The following EPHB1 variants were observed in gnomAD, a reference collection of about 807,000 sequenced individuals.
EPHB1 encodes the protein ephrin type-B receptor 1.
EPHB1 carries 30 observed loss-of-function variants against 94.4 expected under a neutral mutation model. The ratio of observed to expected loss-of-function variants is 0.32; its 90% CI spans 0.24 to 0.43. The LOEUF (loss-of-function observed/expected upper bound fraction) is 0.43, where lower values mean the gene tolerates loss of function less well. Ranked by LOEUF, EPHB1 falls within the 20% of genes least tolerant of loss-of-function variation. The pLI is 1.00. For synonymous variants in EPHB1, 522 were observed against 489.1 expected (o/e 1.07, Z -0.89); for missense variants, 1,055 against 1,308.3 (o/e 0.81, Z 2.99).
intron 1 of EPHB1, among the ~76,000 whole-genome samples, chr3:134,923,112 G>A (rs1049118998): frequency 2.0e-5 from 3 of 152,186 alleles, no homozygotes; most frequent in Non-Finnish European, 4.4e-5. Flanking sequence ...CTCCCCAGCT[G>A]TCAGAAGAAT....
At chr3:135,232,126 A>T (rs1406686088) in intron 12 of EPHB1, among the ~76,000 whole-genome samples, 1 of 152,244 alleles carries the variant, frequency 6.6e-6, no homozygotes, top group Non-Finnish European at 1.5e-5. Flanking sequence ...AGAGCAAGAT[A>T]ACCTTTTAGG....
intron 4 of EPHB1, among the ~76,000 whole-genome samples, chr3:135,130,653 G>A (rs1300789554): frequency 2.0e-5 from 3 of 151,622 alleles, no homozygotes; most frequent in East Asian, 3.9e-4. Context: ...ATTGAAGGAG[G>A]AAAGTCTCAA....
intron 1 of EPHB1, among the ~76,000 whole-genome samples, chr3:134,899,146 A>G (rs1274069187): frequency 6.6e-6 from 1 of 152,136 alleles, no homozygotes; most frequent in Non-Finnish European, 1.5e-5. Flanking sequence ...TTTTCACACC[A>G]TTTGAGGGTT....
rs1229057427 is a variant in EPHB1 at position 135,130,860 on chromosome 3, G to A, written c.962-1854G>A. Among the ~76,000 whole-genome samples the A allele has an allele frequency of 4.6e-5, 7 of 152,178 alleles. No individual in the cohort carries two copies. In the East Asian group the frequency reaches 1.2e-3, roughly 25 times the overall value. ...ATGAGAAACAGGGGCCCGCGGGTGA[G>A]TCTAGGCTCTCTGCTATAGAAGTGA... On this transcript the variant is annotated intron_variant, in intron 4 of 15. Coordinates refer to ENST00000398015, the MANE Select transcript of EPHB1 (RefSeq NM_004441.5).
At chr3:135,064,284 C>G (rs1030173835) in intron 3 of EPHB1, among the ~76,000 whole-genome samples, 1 of 152,088 alleles carries the variant, frequency 6.6e-6, no homozygotes. Flanking sequence ...ACCAATCCTT[C>G]TTTGAATGGC....
At position 135,047,708 on chromosome 3, in the gene EPHB1, T is replaced by G. The variant is rs546565292; in HGVS notation, c.806-58740T>G. ...ATTTGTTTCTTCCCTTAACAAACAT[T>G]TACTTACACCCTTGTGACAGTTTCT... On this transcript the variant is annotated intron_variant, in intron 3 of 15. Coordinates refer to ENST00000398015, the MANE Select transcript of EPHB1 (RefSeq NM_004441.5). 2.0e-5 allele frequency among the ~76,000 whole-genome samples: 3 copies of G among 152,344 alleles called. No individual in the cohort carries two copies. In the South Asian group the frequency reaches 6.2e-4, roughly 32 times the overall value.
chr3:135,030,535 C>T (rs1313150195), intron 3 of EPHB1, among the ~76,000 whole-genome samples: 2 of 152,168 alleles, frequency 1.3e-5, no homozygotes, highest in South Asian at 2.1e-4. Context: ...TTAGGCTGGT[C>T]GGGGGTCAGG....
At chr3:135,066,180 C>T (rs548199903) in intron 3 of EPHB1, among the ~76,000 whole-genome samples, 2 of 152,302 alleles carry the variant, frequency 1.3e-5, no homozygotes, top group South Asian at 4.1e-4. Flanking sequence ...TGTGCCTAGG[C>T]AATGATCTTT....
At position 134,923,659 on chromosome 3, in the gene EPHB1, A is replaced by G. The variant is rs191318609; in HGVS notation, c.59-2157A>G. 5.7e-4 allele frequency among the ~76,000 whole-genome samples: 87 copies of G among 152,346 alleles called. 1 individual carries two copies. Among genetic ancestry groups the G allele is most frequent in the African/African-American group, 2.0e-3 (85 of 41,586 alleles). On this transcript the variant is annotated intron_variant, in intron 1 of 15. Transcript: ENST00000398015. ...TTGAGTGAGCAATGAGAGCATAGGA[A>G]GACCCTTTCTTCCACATAGCTCCCC... is the stretch of plus-strand genomic sequence containing the variant.
intron 12 of EPHB1, among the ~76,000 whole-genome samples, chr3:135,204,881 C>CTTTTTTTTTTTTT (rs71624063): frequency 2.7e-5 from 2 of 73,910 alleles, no homozygotes; most frequent in South Asian, 6.3e-4. Flanking sequence ...AGGTTTTATT[C>CTTTTTTTTTTTTT]TTTTTTTTTT....
rs370911769 is a variant in EPHB1 at position 135,132,937 on chromosome 3, C to A, written c.1185C>A (p.Ser395Arg). 9.9e-5 allele frequency: 159 copies of A among 1,613,908 alleles called. No individual in the cohort carries two copies. The highest frequency in any genetic ancestry group is 8.2e-4 in the Middle Eastern group (5 of 6,084). Reference sequence around the variant, plus strand: ...CGGAGTGCCGCGTCTCCATCAGCAGCCTGTGGGCCCACACCCCCTACACCT... The same window carrying A: ...CGGAGTGCCGCGTCTCCATCAGCAGACTGTGGGCCCACACCCCCTACACCT... ...GLTECRVSIS[S>R]LWAHTPYTFD... The change falls in exon 5 of 16, where the codon AGC becomes AGA. Residue 395 changes from serine to arginine, a missense_variant. Coordinates refer to ENST00000398015, the MANE Select transcript of EPHB1 (RefSeq NM_004441.5).
intron 1 of EPHB1, among the ~76,000 whole-genome samples, chr3:134,895,513 A>C (rs184338518): frequency 1.3e-4 from 20 of 152,380 alleles, no homozygotes; most frequent in Non-Finnish European, 2.5e-4. Flanking sequence ...AGAAAGCCAC[A>C]GCTTTGAAGT....
chr3:135,097,867 G>A (rs182585927), intron 3 of EPHB1, among the ~76,000 whole-genome samples: 63 of 152,288 alleles, frequency 4.1e-4, no homozygotes, highest in Admixed American at 3.2e-3. Context: ...TAGATGCTTC[G>A]TATTCTTGGC....
intron 1 of EPHB1, among the ~76,000 whole-genome samples, chr3:134,818,574 C>A (rs528164171): frequency 6.6e-6 from 1 of 152,284 alleles, no homozygotes; most frequent in African/African-American, 2.4e-5. Context: ...TCCATTGTAT[C>A]CTTGTTATGC....
intron 12 of EPHB1, among the ~76,000 whole-genome samples, chr3:135,232,603 G>A (rs914107835): frequency 8.3e-6 from 1 of 120,320 alleles, no homozygotes; most frequent in African/African-American, 2.8e-5. Context: ...ACATTAATGA[G>A]GCCAATTTGC....
intron 3 of EPHB1, among the ~76,000 whole-genome samples, chr3:135,010,609 G>C (rs1935589247): frequency 7.0e-6 from 1 of 143,400 alleles, no homozygotes. Context: ...TGTTGCCCAG[G>C]CTGCAGTGCA....
intron 12 of EPHB1, among the ~76,000 whole-genome samples, chr3:135,234,243 G>T (rs977713076): frequency 1.3e-5 from 2 of 152,126 alleles, no homozygotes; most frequent in African/African-American, 4.8e-5. Context: ...AATTTCCACA[G>T]ACCTCTAGGG....
chr3:135,029,929 A>G (rs1354452086), intron 3 of EPHB1, among the ~76,000 whole-genome samples: 2 of 151,070 alleles, frequency 1.3e-5, no homozygotes, highest in African/African-American at 4.9e-5. Context: ...GTTTCTTTTT[A>G]TTCTTTTTTC....
intron 1 of EPHB1, among the ~76,000 whole-genome samples, chr3:134,847,940 C>G (rs2036907155): frequency 1.3e-5 from 2 of 152,282 alleles, no homozygotes; most frequent in South Asian, 4.1e-4. Flanking sequence ...ATACTTGGTG[C>G]TTAATGGCTA....
Sources: gnomAD v4.1 joint callset for allele counts (sites outside exome capture counted in the v4.1 genomes callset) on GRCh38, gnomAD v4.1.1 for gene constraint, MANE v1.5 for transcripts, NCBI Gene and HGNC (gene_info 2026-07-23, HGNC 2026-07-21) for gene names.